Variants in COL22A1 observed in about 807,000 individuals in gnomAD.
COL22A1 encodes the protein collagen alpha-1(XXII) chain.
In COL22A1, 221 loss-of-function variants were observed where a neutral mutation model predicts 248.9. The ratio of observed to expected loss-of-function variants is 0.89; its 90% CI spans 0.80 to 0.99. The LOEUF is 0.99. Among genes scored for constraint, COL22A1 ranks in the 50% least tolerant of loss-of-function variants. COL22A1 has a pLI of 0.00. For missense variants in COL22A1, 2,240 were observed against 2,179.0 expected, an observed-to-expected ratio of 1.03 and a Z score of -0.56; for synonymous variants, 891 against 793.4, an observed-to-expected ratio of 1.12 and a Z score of -2.07.
intron 30 of COL22A1, among the ~76,000 whole-genome samples, chr8:138,709,836 T>C (rs909353901): frequency 9.9e-5 from 15 of 152,198 alleles, no homozygotes; most frequent in African/African-American, 3.6e-4. Context: ...TGATGACATT[T>C]ATGTGGTTTT....
At chr8:138,866,966 C>A (rs1199058267) in intron 3 of COL22A1, among the ~76,000 whole-genome samples, 1 of 152,182 alleles carries the variant, frequency 6.6e-6, no homozygotes, top group East Asian at 1.9e-4. Flanking sequence ...GAGGCCCCCA[C>A]AAAATGTCCT....
intron 4 of COL22A1, among the ~76,000 whole-genome samples, chr8:138,841,276 G>C (rs553469636): frequency 9.8e-5 from 15 of 152,326 alleles, no homozygotes; most frequent in Admixed American, 3.3e-4. Flanking sequence ...TAAAGCCCAA[G>C]TATAAACAAG....
chr8:138,811,034 A>G (rs16909649), intron 9 of COL22A1, among the ~76,000 whole-genome samples: 2,183 of 152,276 alleles, frequency 0.014, 27 homozygotes, highest in Middle Eastern at 0.027. Context: ...GCACAGTTCT[A>G]CTTGGCGTCT....
In COL22A1 at chr8:138,799,096, T is replaced by C. The variant is rs141780500; in HGVS notation, c.1558-2239A>G. ...TCTTCAAGAATTCTGATCTTTCTTTTGAGCCCCTCTAGTTTTTTCTATTTC... is the reference window on the plus strand; with the variant it reads ...TCTTCAAGAATTCTGATCTTTCTTTCGAGCCCCTCTAGTTTTTTCTATTTC... On this transcript the variant is annotated intron_variant, in intron 11 of 64. Transcript: ENST00000303045. 2.0e-5 allele frequency among the ~76,000 whole-genome samples: 3 copies of C among 152,324 alleles called. No individual in the cohort carries two copies. In the East Asian group the frequency reaches 5.8e-4, roughly 29 times the overall value.
At chr8:138,593,702 T>G (rs1168944219) in intron 63 of COL22A1, among the ~76,000 whole-genome samples, 1 of 152,168 alleles carries the variant, frequency 6.6e-6, no homozygotes, top group Non-Finnish European at 1.5e-5. Flanking sequence ...TATTCCTCAG[T>G]GCTAAACTCA....
chr8:138,859,784 T>G (rs1822315212), intron 3 of COL22A1, among the ~76,000 whole-genome samples: 1 of 152,160 alleles, frequency 6.6e-6, no homozygotes. Context: ...TGGGCATCGG[T>G]GTGGCCTCCC....
chr8:138,654,813 G>A (rs545135045), intron 45 of COL22A1, among the ~76,000 whole-genome samples: 201 of 152,284 alleles, frequency 1.3e-3, no homozygotes, highest in Middle Eastern at 3.4e-3. Flanking sequence ...TATCTTGGCC[G>A]AGTTATGTTC....
At chr8:138,866,609 G>C (rs1342168641) in intron 3 of COL22A1, among the ~76,000 whole-genome samples, 1 of 152,210 alleles carries the variant, frequency 6.6e-6, no homozygotes, top group Non-Finnish European at 1.5e-5. Flanking sequence ...TAGTCAATGA[G>C]ATCATCACAC....
intron 32 of COL22A1, among the ~76,000 whole-genome samples, chr8:138,698,444 G>A (rs766826943): frequency 6.6e-6 from 1 of 152,222 alleles, no homozygotes; most frequent in Non-Finnish European, 1.5e-5. Context: ...GCTGTTAGGA[G>A]GCTTGGTTGC....
chr8:138,849,246 G>A (rs1333661216), intron 3 of COL22A1, among the ~76,000 whole-genome samples: 4 of 152,212 alleles, frequency 2.6e-5, no homozygotes, highest in African/African-American at 9.6e-5. Flanking sequence ...TTGTTTCTGA[G>A]CCTCTTGGCT....
intron 3 of COL22A1, among the ~76,000 whole-genome samples, chr8:138,861,843 C>T (rs1406179534): frequency 2.0e-5 from 3 of 152,036 alleles, no homozygotes; most frequent in Non-Finnish European, 4.4e-5. Context: ...TTCATCAAGC[C>T]GTACAGTTAA....
intron 18 of COL22A1, among the ~76,000 whole-genome samples, chr8:138,756,366 C>T (rs915063768): frequency 1.3e-5 from 2 of 152,150 alleles, no homozygotes; most frequent in African/African-American, 4.8e-5. Context: ...CCTGCCTCCT[C>T]CTCCTTGGCC....
At chr8:138,833,362 G>A (rs144927355) in intron 4 of COL22A1, among the ~76,000 whole-genome samples, 100 of 152,350 alleles carry the variant, frequency 6.6e-4, no homozygotes, top group Non-Finnish European at 1.1e-3. Context: ...GGAAAAAGGT[G>A]CAGGAGAACA....
intron 42 of COL22A1, among the ~76,000 whole-genome samples, chr8:138,662,572 C>T (rs145142954): frequency 1.6e-4 from 24 of 152,270 alleles, no homozygotes; most frequent in Admixed American, 4.6e-4. Flanking sequence ...CATCAGGAAA[C>T]GGCACAGATA....
intron 15 of COL22A1, among the ~76,000 whole-genome samples, chr8:138,776,348 G>C (rs562352276): frequency 6.6e-6 from 1 of 152,272 alleles, no homozygotes; most frequent in Non-Finnish European, 1.5e-5. Flanking sequence ...TTCAAAGTCA[G>C]TTCCCCCCAA....
intron 56 of COL22A1, among the ~76,000 whole-genome samples, chr8:138,611,293 C>G (rs1238267241): frequency 6.6e-6 from 1 of 152,216 alleles, no homozygotes; most frequent in African/African-American, 2.4e-5. Flanking sequence ...CCTCCTTGTT[C>G]CGTCCAGATT....
chr8:138,809,488 G>A (rs536144495), intron 9 of COL22A1, among the ~76,000 whole-genome samples: 3 of 149,802 alleles, frequency 2.0e-5, no homozygotes, highest in African/African-American at 7.4e-5. Flanking sequence ...TAAAGGAGGA[G>A]AGGGTGTATT....
At chr8:138,736,084 C>T (rs946504573) in intron 23 of COL22A1, among the ~76,000 whole-genome samples, 5 of 152,058 alleles carry the variant, frequency 3.3e-5, no homozygotes, top group African/African-American at 9.7e-5. Flanking sequence ...CTGTCTACCC[C>T]CTGTGCGCTA....
Position 138,688,972 on chromosome 8 carries a change from T to C in COL22A1, c.2809-2A>G. The C allele has an allele frequency of 6.2e-7, 1 of 1,611,950 alleles. No homozygotes were observed. Among genetic ancestry groups the C allele is most frequent in the Non-Finnish European group, 8.5e-7 (1 of 1,178,074 alleles). On this transcript the variant is annotated splice_acceptor_variant, in intron 36 of 64. Transcript: ENST00000303045. LOFTEE classifies it high-confidence loss of function. ...GGTGCCTCTGAGGCCGGGAGCACCC[T>C]GTGGCAAGGAAGATTACGGACATGG...
Sources: gnomAD v4.1 joint callset for allele counts (sites outside exome capture counted in the v4.1 genomes callset) on GRCh38, gnomAD v4.1.1 for gene constraint, MANE v1.5 for transcripts, NCBI Gene and HGNC (gene_info 2026-07-23, HGNC 2026-07-21) for gene names.